The following ZNF804A variants were observed in gnomAD, a reference collection of about 807,000 sequenced individuals.
ZNF804A encodes zinc finger protein 804A.
Under a neutral mutation model 16.5 loss-of-function variants are expected in ZNF804A, and 2 were observed. That is an observed-to-expected ratio of 0.12 (90% CI 0.05 to 0.38). ZNF804A has a LOEUF of 0.38. Ranked by LOEUF, ZNF804A falls within the 10% of genes least tolerant of loss-of-function variation. ZNF804A has a pLI of 0.99. For synonymous variants in ZNF804A, 534 were observed against 489.6 expected (o/e 1.09, Z -1.20); for missense variants, 1,473 against 1,390.7 (o/e 1.06, Z -0.94).
intron 1 of ZNF804A, among the ~76,000 whole-genome samples, chr2:184,741,542 C>T (rs989979154): frequency 3.3e-5 from 5 of 152,254 alleles, no homozygotes; most frequent in Admixed American, 6.5e-5. Context: ...CGCAGAATAT[C>T]TGGCATGACC....
intron 1 of ZNF804A, among the ~76,000 whole-genome samples, chr2:184,683,053 A>G (rs898783260): frequency 1.3e-5 from 2 of 151,962 alleles, no homozygotes; most frequent in African/African-American, 4.8e-5. Context: ...AAAATAAAAT[A>G]AAAACATCAA....
In ZNF804A at chr2:184,939,187, A is replaced by G; in HGVS notation, c.*161A>G. The G allele has an allele frequency of 2.5e-6, 2 of 814,228 alleles. No individual in the cohort carries two copies. The highest frequency in any genetic ancestry group is 3.8e-6 in the Non-Finnish European group (2 of 525,472). The allele number at this position is 814,228 out of a possible 1,614,324, so 50.4% of individuals were successfully genotyped here. On this transcript the variant is annotated 3_prime_UTR_variant, in exon 4 of 4. Coordinates refer to ENST00000302277, the MANE Select transcript of ZNF804A (RefSeq NM_194250.2). ...ATTTACTGTAAGTGCAATGATGCAA[A>G]TAAATCCCTAAGTTTCTGATATATA... is the stretch of plus-strand genomic sequence containing the variant.
intron 1 of ZNF804A, among the ~76,000 whole-genome samples, chr2:184,797,949 ATCTT>A (rs1434035143): frequency 6.6e-6 from 1 of 150,818 alleles, no homozygotes. Context: ...AAAAGACTGT[ATCTT>A]TCTTTCATAT....
At chr2:184,921,379 T>C (rs1484366727) in intron 2 of ZNF804A, among the ~76,000 whole-genome samples, 1 of 152,122 alleles carries the variant, frequency 6.6e-6, no homozygotes, top group African/African-American at 2.4e-5. Flanking sequence ...ATAAGAGAAG[T>C]ATTTGTGCAT....
intron 1 of ZNF804A, among the ~76,000 whole-genome samples, chr2:184,599,589 T>C (rs1691014055): frequency 6.6e-6 from 1 of 152,236 alleles, no homozygotes; most frequent in Non-Finnish European, 1.5e-5. Context: ...AGAAGTTGTC[T>C]GTGCTAAGCT....
chr2:184,877,010 A>G (rs1684700558), intron 2 of ZNF804A, among the ~76,000 whole-genome samples: 1 of 152,176 alleles, frequency 6.6e-6, no homozygotes, highest in South Asian at 2.1e-4. Context: ...AAACTTTTAT[A>G]TGCATTAAAA....
chr2:184,915,814 C>T (rs991355884), intron 2 of ZNF804A, among the ~76,000 whole-genome samples: 5 of 152,034 alleles, frequency 3.3e-5, no homozygotes, highest in African/African-American at 1.2e-4. Context: ...GCTTTTAAAG[C>T]TGCCATGAGA....
intron 2 of ZNF804A, among the ~76,000 whole-genome samples, chr2:184,870,956 C>T (rs905060890): frequency 5.9e-5 from 9 of 151,356 alleles, no homozygotes; most frequent in African/African-American, 2.2e-4. Context: ...TGCATAAAAC[C>T]ATTTAATGTT....
chr2:184,655,418 A>G (rs1692060820), intron 1 of ZNF804A, among the ~76,000 whole-genome samples: 1 of 152,064 alleles, frequency 6.6e-6, no homozygotes, highest in South Asian at 2.1e-4. Context: ...CAAGATTACA[A>G]CTGAATTTTT....
At position 184,937,524 on chromosome 2, in the gene ZNF804A, C is replaced by T. The variant is rs778294284; in HGVS notation, c.2128C>T (p.His710Tyr). ...LNGQSNATMI[H>Y]SGKHNLTYSR... ...TGGACAATCAAATGCAACAATGATA[C>T]ATTCTGGGAAACATAATTTAACATA... Residue 710 changes from histidine (H) to tyrosine (Y), a missense_variant, in exon 4 of 4, where the codon CAT becomes TAT. By Grantham distance (83) the His-to-Tyr change is moderately conservative (BLOSUM62 2). Coordinates refer to ENST00000302277, the MANE Select transcript of ZNF804A (RefSeq NM_194250.2). The T allele has an allele frequency of 3.7e-6, 6 of 1,611,898 alleles. No individual in the cohort carries two copies. In the East Asian group the frequency reaches 1.1e-4, roughly 30 times the overall value.
intron 1 of ZNF804A, among the ~76,000 whole-genome samples, chr2:184,661,425 A>G (rs368414963): frequency 1.1e-4 from 17 of 152,312 alleles, no homozygotes; most frequent in East Asian, 9.6e-4. Flanking sequence ...GGAATAAGCT[A>G]TGCAGATACT....
chr2:184,897,672 C>T (rs985476112), intron 2 of ZNF804A, among the ~76,000 whole-genome samples: 3 of 152,092 alleles, frequency 2.0e-5, no homozygotes, highest in African/African-American at 7.2e-5. Flanking sequence ...CATAGACATT[C>T]ATCTTATACT....
chr2:184,669,695 A>G (rs1692311367), intron 1 of ZNF804A, among the ~76,000 whole-genome samples: 2 of 152,108 alleles, frequency 1.3e-5, no homozygotes, highest in East Asian at 1.9e-4. Flanking sequence ...TACATCAAAT[A>G]TCATTAAACC....
intron 1 of ZNF804A, among the ~76,000 whole-genome samples, chr2:184,631,647 G>A (rs1418776174): frequency 6.6e-6 from 1 of 152,132 alleles, no homozygotes; most frequent in Admixed American, 6.5e-5. Context: ...AGGGTTCATA[G>A]TGGAATTCTG....
intron 2 of ZNF804A, among the ~76,000 whole-genome samples, chr2:184,895,875 T>C (rs1218288695): frequency 6.6e-6 from 1 of 152,234 alleles, no homozygotes; most frequent in Non-Finnish European, 1.5e-5. Flanking sequence ...CTATGCATTT[T>C]AGTCTATGTG....
intron 1 of ZNF804A, among the ~76,000 whole-genome samples, chr2:184,653,445 G>T (rs1198063499): frequency 6.6e-6 from 1 of 152,148 alleles, no homozygotes; most frequent in Non-Finnish European, 1.5e-5. Flanking sequence ...TTTACTCAGG[G>T]ACATAAGGCA....
chr2:184,721,552 A>C (rs1009059497), intron 1 of ZNF804A, among the ~76,000 whole-genome samples: 1 of 152,166 alleles, frequency 6.6e-6, no homozygotes, highest in Non-Finnish European at 1.5e-5. Flanking sequence ...TACTCCTGTT[A>C]CTATGGCTGT....
chr2:184,855,323 C>A (rs1321348727), intron 1 of ZNF804A, among the ~76,000 whole-genome samples: 1 of 152,048 alleles, frequency 6.6e-6, no homozygotes, highest in Non-Finnish European at 1.5e-5. Context: ...GCATAAATCA[C>A]CAAGGACATC....
chr2:184,868,710 C>T (rs1695923442), intron 2 of ZNF804A, among the ~76,000 whole-genome samples: 2 of 152,036 alleles, frequency 1.3e-5, no homozygotes, highest in South Asian at 4.1e-4. Flanking sequence ...TAATGACCTT[C>T]AGATTCCTAA....
Sources: gnomAD v4.1 joint callset for allele counts (sites outside exome capture counted in the v4.1 genomes callset) on GRCh38, gnomAD v4.1.1 for gene constraint, MANE v1.5 for transcripts, NCBI Gene and HGNC (gene_info 2026-07-23, HGNC 2026-07-21) for gene names.